Variants in STK4 observed in about 807,000 individuals in gnomAD.
STK4 encodes the protein serine/threonine-protein kinase 4.
A neutral mutation model predicts 64.9 loss-of-function variants in STK4; 30 were observed. The observed-to-expected ratio is 0.46, with a 90% CI of 0.35 to 0.63. The LOEUF is 0.63. Ranked by LOEUF, STK4 falls within the 20% of genes least tolerant of loss-of-function variation. The pLI, the probability that STK4 is intolerant of heterozygous loss-of-function variation, is 0.01. For synonymous variants in STK4, 177 were observed against 199.0 expected (o/e 0.89, Z 0.93); for missense variants, 466 against 598.5 (o/e 0.78, Z 2.31).
At chr20:44,976,538 G>A (rs1332924010) in intron 2 of STK4, among the ~76,000 whole-genome samples, 3 of 152,156 alleles carry the variant, frequency 2.0e-5, no homozygotes, top group African/African-American at 7.2e-5. Flanking sequence ...TCTGATAAAA[G>A]CTGACTTCTC....
In STK4 at chr20:44,984,940, C is replaced by G. The variant is rs940385566; in HGVS notation, c.361-2192C>G. On this transcript the variant is annotated intron_variant, in intron 4 of 10. Coordinates refer to ENST00000372806, the MANE Select transcript of STK4 (RefSeq NM_006282.5). ...GGGATTACAGCACCAGCCACTGCGT[C>G]TGCTTGTTTCCTTTTTCAATGTGGC... Among the ~76,000 whole-genome samples, 36 of 152,000 alleles carry G rather than the reference C, an allele frequency of 2.4e-4. 1 individual carries two copies. The highest frequency in any genetic ancestry group is 8.7e-4 in the African/African-American group (36 of 41,384).
intron 9 of STK4, among the ~76,000 whole-genome samples, chr20:45,009,928 CAG>C (rs1431243585): frequency 6.6e-6 from 1 of 152,104 alleles, no homozygotes; most frequent in African/African-American, 2.4e-5. Flanking sequence ...AGCCTTTTGA[CAG>C]AGTCTTTAGG....
intron 10 of STK4, among the ~76,000 whole-genome samples, chr20:45,027,161 G>A (rs933544127): frequency 1.6e-4 from 24 of 152,112 alleles, no homozygotes; most frequent in African/African-American, 5.8e-4. Flanking sequence ...AGGCGCAGTG[G>A]CTCACGCCTG....
chr20:44,988,600 G>A (rs919497788), intron 5 of STK4, among the ~76,000 whole-genome samples: 1 of 133,850 alleles, frequency 7.5e-6, no homozygotes, highest in Non-Finnish European at 1.5e-5. Flanking sequence ...TTTAGTAATT[G>A]ATTGATTACC....
rs561468648 is a variant in STK4 at position 44,986,552 on chromosome 20, G to A, written c.361-580G>A. Among the ~76,000 whole-genome samples the A allele has an allele frequency of 2.6e-5, 4 of 152,328 alleles. No homozygotes were observed. In the South Asian group the frequency reaches 6.2e-4, roughly 24 times the overall value. ...GGTTAGGAAGACATTGGTAGGTTTT[G>A]ACTCTGGCTTACATTTTAATTATAG... On this transcript the variant is annotated intron_variant, in intron 4 of 10. Transcript: ENST00000372806.
chr20:44,972,165 G>A lies in STK4; in HGVS notation c.116+7G>A. 6 of 1,612,354 alleles carry A rather than the reference G, an allele frequency of 3.7e-6. No individual in the cohort carries two copies. Among genetic ancestry groups the A allele is most frequent in the Non-Finnish European group, 5.1e-6 (6 of 1,179,116 alleles). On this transcript the variant is annotated splice_region_variant and intron_variant, in intron 2 of 10. Coordinates refer to ENST00000372806, the MANE Select transcript of STK4 (RefSeq NM_006282.5). ...TAGAGAAACTTGGAGAAGGGTGAGT[G>A]TAAAGAAACTATAGGTAGGTCATTG... is the stretch of plus-strand genomic sequence containing the variant.
chr20:45,046,908 C>A (rs562027705), intron 10 of STK4, among the ~76,000 whole-genome samples: 13 of 152,106 alleles, frequency 8.5e-5, no homozygotes, highest in Non-Finnish European at 1.6e-4. Context: ...TCTTGAACTC[C>A]TGACCTCGTG....
In STK4 at chr20:45,075,259, A is replaced by C. The variant is rs1980424217; in HGVS notation, c.*83A>C. 2 of 1,530,958 alleles carry C rather than the reference A, an allele frequency of 1.3e-6. No individual in the cohort carries two copies. Among genetic ancestry groups the C allele is most frequent in the Admixed American group, 3.8e-5 (2 of 52,798 alleles). The allele number at this position is 1,530,958 out of a possible 1,614,324, so 94.8% of individuals were successfully genotyped here. ...GCTTGCCTCATGTTTGTTAGCCAGC[A>C]CTTCTGCTCTGTCGTCTCTCCACAG... On this transcript the variant is annotated 3_prime_UTR_variant, in exon 11 of 11. Transcript: ENST00000372806.
In STK4 at chr20:45,020,476, GTTTATGTTTA is replaced by G. The variant is rs1324616646; in HGVS notation, c.1148-4495_1148-4486del. ...TGTGTGTGTGTGTGTGTATGTTTAT[GTTTATGTTTA>G]TGTTTATGTTTATGTGAGATAGAGA... is the stretch of plus-strand genomic sequence containing the variant. On this transcript the variant is annotated intron_variant, in intron 9 of 10. Transcript: ENST00000372806. Among the ~76,000 whole-genome samples the G allele has an allele frequency of 6.2e-3, 908 of 145,844 alleles. 10 individuals carry two copies. Among genetic ancestry groups the G allele is most frequent in the African/African-American group, 0.024 (874 of 36,632 alleles).
intron 10 of STK4, among the ~76,000 whole-genome samples, chr20:45,064,696 TA>T (rs1258106802): frequency 6.6e-6 from 1 of 152,232 alleles, no homozygotes; most frequent in Non-Finnish European, 1.5e-5. Flanking sequence ...CCTGGTATTT[TA>T]TTTTTTTGTG....
chr20:45,074,283 A>G (rs1980327943), intron 10 of STK4, among the ~76,000 whole-genome samples: 1 of 152,232 alleles, frequency 6.6e-6, no homozygotes. Flanking sequence ...TCTGGTGCAT[A>G]GAAAACACTA....
At chr20:44,981,762 T>A in intron 3 of STK4, 67 bp from the exon 4 acceptor site, 1 of 939,550 alleles carries the variant, frequency 1.1e-6, no homozygotes, top group Non-Finnish European at 1.7e-6. Context: ...TTGTATATAC[T>A]TGCTAGCATG....
intron 3 of STK4, among the ~76,000 whole-genome samples, chr20:44,978,904 T>C (rs987159032): frequency 6.6e-6 from 1 of 151,986 alleles, no homozygotes; most frequent in African/African-American, 2.4e-5. Flanking sequence ...GTTCAAGTGA[T>C]TCTTGTGCCT....
intron 4 of STK4, 118 bp downstream of exon 4, chr20:44,982,061 C>T: frequency 3.0e-6 from 2 of 660,850 alleles, no homozygotes; most frequent in Non-Finnish European, 5.3e-6. Flanking sequence ...TCCCCTTTTC[C>T]ATGGTTATTT....
At chr20:45,029,159 G>T (rs1035729053) in intron 10 of STK4, among the ~76,000 whole-genome samples, 1 of 152,172 alleles carries the variant, frequency 6.6e-6, no homozygotes, top group Non-Finnish European at 1.5e-5. Context: ...TTTTGAAAAT[G>T]TGAAAGATCT....
chr20:45,040,705 A>G (rs2068599868), intron 10 of STK4, among the ~76,000 whole-genome samples: 1 of 151,530 alleles, frequency 6.6e-6, no homozygotes, highest in South Asian at 2.1e-4. Flanking sequence ...TCTGGGTGCA[A>G]GTTGTGCTCA....
chr20:45,029,527 A>C (rs895827318), intron 10 of STK4, among the ~76,000 whole-genome samples: 4 of 152,244 alleles, frequency 2.6e-5, no homozygotes, highest in African/African-American at 9.6e-5. Context: ...GATCAAATGA[A>C]AACTGTCTTC....
At chr20:45,026,106 T>G (rs1209934222) in intron 10 of STK4, among the ~76,000 whole-genome samples, 2 of 150,984 alleles carry the variant, frequency 1.3e-5, no homozygotes, top group Non-Finnish European at 2.9e-5. Context: ...ACCTGTTTGT[T>G]CATTTACTTA....
chr20:45,053,158 T>TA (rs964966341), intron 10 of STK4: 1 of 1,612,662 alleles, frequency 6.2e-7, no homozygotes, highest in Non-Finnish European at 8.5e-7. Context: ...GCTGTGTAGA[T>TA]ACGCTTTCTG....
Sources: allele counts gnomAD v4.1 joint callset (sites outside exome capture counted in the v4.1 genomes callset), GRCh38; gene constraint gnomAD v4.1.1; transcripts MANE v1.5; gene names NCBI Gene and HGNC (gene_info 2026-07-23, HGNC 2026-07-21).